The following PRSS23 variants were observed in gnomAD, a reference collection of about 807,000 sequenced individuals.
PRSS23 encodes the protein serine protease 23.
PRSS23 carries 25 observed loss-of-function variants against 34.7 expected under a neutral mutation model. That is an observed-to-expected ratio of 0.72 (90% CI 0.53 to 1.01). PRSS23 has a LOEUF of 1.01. Ranked by LOEUF, PRSS23 falls within the 50% of genes least tolerant of loss-of-function variation. The pLI is 0.00. For missense variants in PRSS23, 445 were observed against 475.6 expected (o/e 0.94, Z 0.60); for synonymous variants, 176 against 186.6 (o/e 0.94, Z 0.46).
intron 2 of PRSS23, chr11:86,833,396 T>C: frequency 6.1e-6 from 4 of 653,360 alleles, no homozygotes; most frequent in South Asian, 5.8e-5. Context: ...AGCTGCAGTT[T>C]TGGATCCTCT....
intron 2 of PRSS23, among the ~76,000 whole-genome samples, chr11:86,880,316 C>T (rs983229402): frequency 2.7e-5 from 4 of 150,276 alleles, no homozygotes; most frequent in Non-Finnish European, 5.9e-5. Context: ...TGCGGAAGGC[C>T]GCAGGGTCCT....
intron 2 of PRSS23, among the ~76,000 whole-genome samples, chr11:86,908,658 C>T (rs1208334494): frequency 1.3e-5 from 2 of 151,878 alleles, no homozygotes; most frequent in Non-Finnish European, 2.9e-5. Flanking sequence ...TCCATATAAT[C>T]TGTAGAAACA....
Position 86,804,393 on chromosome 11 carries a change from G to T in PRSS23, c.-13-3238G>T, listed in dbSNP as rs12291065. On this transcript the variant is annotated intron_variant, in intron 1 of 1. Transcript: ENST00000280258. ...TAAATGCAATTTTATAACTTTTAGC[G>T]TTACATGGAAGCTTTAAGCAAGATA... 6.4e-3 allele frequency among the ~76,000 whole-genome samples: 974 copies of T among 152,208 alleles called. 17 individuals carry two copies. The highest frequency in any genetic ancestry group is 0.022 in the African/African-American group (925 of 41,514).
rs2135600136 is a variant in PRSS23, at chr11:86,808,228, A to G, written c.585A>G (p.Leu195=). ...KGTQKLRVGF[L]KPKFKDGGRG... Reference sequence around the variant, plus strand: ...CCCAGAAGCTTCGAGTGGGCTTCCTAAAGCCCAAGTTTAAAGATGGTGGTC... The same window carrying G: ...CCCAGAAGCTTCGAGTGGGCTTCCTGAAGCCCAAGTTTAAAGATGGTGGTC... Residue 195 remains leucine, a synonymous_variant, in exon 2 of 2, where the codon CTA becomes CTG. Transcript: ENST00000280258. 1 of 1,614,150 alleles carries G rather than the reference A, an allele frequency of 6.2e-7. No individual in the cohort carries two copies. Among genetic ancestry groups the G allele is most frequent in the Non-Finnish European group, 8.5e-7 (1 of 1,180,024 alleles).
chr11:86,939,403 A>AATAT (rs1555083965), intron 2 of PRSS23, among the ~76,000 whole-genome samples: 28 of 80,544 alleles, frequency 3.5e-4, no homozygotes, highest in East Asian at 9.5e-4. Context: ...TAAAAAAAAA[A>AATAT]ATATATATAT....
At chr11:86,876,277 G>A (rs11234849) in intron 2 of PRSS23, among the ~76,000 whole-genome samples, 13,300 of 152,152 alleles carry the variant, frequency 0.087, 641 homozygotes, top group East Asian at 0.2. Flanking sequence ...GGATGATCAA[G>A]GCACAGTTCT....
At chr11:86,851,511 G>A (rs1948529227) in intron 2 of PRSS23, among the ~76,000 whole-genome samples, 1 of 152,260 alleles carries the variant, frequency 6.6e-6, no homozygotes, top group Non-Finnish European at 1.5e-5. Context: ...GGATTTGAGA[G>A]GGCAGGTTGG....
chr11:86,904,533 G>A (rs576127076), intron 2 of PRSS23, among the ~76,000 whole-genome samples: 44 of 152,210 alleles, frequency 2.9e-4, no homozygotes, highest in African/African-American at 1.0e-3. Context: ...CAACTCCCAG[G>A]TGGTGCTATG....
At chr11:86,895,164 T>TA (rs1348549242) in intron 2 of PRSS23, among the ~76,000 whole-genome samples, 1 of 152,192 alleles carries the variant, frequency 6.6e-6, no homozygotes, top group African/African-American at 2.4e-5. Flanking sequence ...ATCAAATAAT[T>TA]AAACATCTAT....
intron 2 of PRSS23, chr11:86,950,788 C>G (rs1359005736): frequency 3.0e-6 from 1 of 330,014 alleles, no homozygotes. Flanking sequence ...TACCAACTCA[C>G]AGCTCAAATC....
chr11:86,864,637 C>T (rs1437101717), intron 2 of PRSS23, among the ~76,000 whole-genome samples: 1 of 151,990 alleles, frequency 6.6e-6, no homozygotes, highest in Admixed American at 6.6e-5. Flanking sequence ...TTCTATAACA[C>T]ATTACCACAC....
At chr11:86,878,220 C>T (rs1391570685) in intron 2 of PRSS23, among the ~76,000 whole-genome samples, 4 of 75,178 alleles carry the variant, frequency 5.3e-5, no homozygotes, top group African/African-American at 2.9e-4. Context: ...CTCTCCCTCC[C>T]CCTACCCCTC....
chr11:86,817,134 C>T (rs1337316312), intron 1 of PRSS23, among the ~76,000 whole-genome samples: 2 of 151,876 alleles, frequency 1.3e-5, no homozygotes. Flanking sequence ...GCAAGAAAGC[C>T]TTTTTTTGTG....
intron 1 of PRSS23, among the ~76,000 whole-genome samples, chr11:86,804,986 A>G (rs1355783210): frequency 1.3e-5 from 2 of 152,196 alleles, no homozygotes; most frequent in Admixed American, 1.3e-4. Context: ...GGACCTCCGC[A>G]TTCTGTGTTT....
At chr11:86,827,441 C>G (rs1198167758) in intron 2 of PRSS23, among the ~76,000 whole-genome samples, 2 of 152,144 alleles carry the variant, frequency 1.3e-5, no homozygotes, top group East Asian at 1.9e-4. Flanking sequence ...TTTCAAAAAA[C>G]CAGCTGCTGG....
chr11:86,889,774 A>T (rs1948828947), intron 2 of PRSS23, among the ~76,000 whole-genome samples: 1 of 152,212 alleles, frequency 6.6e-6, no homozygotes. Flanking sequence ...TCCGAGACTT[A>T]TCCATCAGAA....
intron 2 of PRSS23, among the ~76,000 whole-genome samples, chr11:86,848,665 G>A (rs551751224): frequency 3.3e-5 from 5 of 152,290 alleles, no homozygotes; most frequent in Middle Eastern, 3.4e-3. Context: ...AGAAGCGGCC[G>A]ATATTAGGAG....
chr11:86,873,248 A>ACACCATGCCAAGCTCATT (rs1555077249), intron 2 of PRSS23, among the ~76,000 whole-genome samples: 1 of 53,406 alleles, frequency 1.9e-5, no homozygotes, highest in Admixed American at 2.1e-4. Context: ...ACACACACAC[A>ACACCATGCCAAGCTCATT]TATATATGTA....
intron 2 of PRSS23, among the ~76,000 whole-genome samples, chr11:86,856,473 C>G (rs186440668): frequency 1.2e-3 from 176 of 152,300 alleles, no homozygotes; most frequent in Non-Finnish European, 6.0e-4. Context: ...CGGATCTCTA[C>G]ACATAACCTG....
Sources: gnomAD v4.1 joint callset for allele counts (sites outside exome capture counted in the v4.1 genomes callset) on GRCh38, gnomAD v4.1.1 for gene constraint, MANE v1.5 for transcripts, NCBI Gene and HGNC (gene_info 2026-07-23, HGNC 2026-07-21) for gene names.